ZNF385B: variants seen among roughly 807,000 people sequenced by gnomAD.
ZNF385B encodes the protein zinc finger protein 533.
In ZNF385B, 23 loss-of-function variants were observed where a neutral mutation model predicts 39.2. That is an observed-to-expected ratio of 0.59 (90% CI 0.42 to 0.83). The LOEUF is 0.83. Ranked by LOEUF, ZNF385B falls within the 40% of genes least tolerant of loss-of-function variation. The probability of loss-of-function intolerance (pLI) is 0.00; values close to 1 mark genes in which losing one functional copy is unlikely to be tolerated. For synonymous variants in ZNF385B, 205 were observed against 222.6 expected, an observed-to-expected ratio of 0.92 and a Z score of 0.70; for missense variants, 552 against 598.9, an observed-to-expected ratio of 0.92 and a Z score of 0.82.
At chr2:179,528,857 C>T (rs1028900719) in intron 4 of ZNF385B, among the ~76,000 whole-genome samples, 2 of 152,312 alleles carry the variant, frequency 1.3e-5, no homozygotes, top group Non-Finnish European at 2.9e-5. Context: ...GCTAGCTCTA[C>T]ATGCCTGGTG....
intron 6 of ZNF385B, among the ~76,000 whole-genome samples, chr2:179,467,534 T>C (rs1250826569): frequency 6.6e-6 from 1 of 152,124 alleles, no homozygotes; most frequent in Non-Finnish European, 1.5e-5. Flanking sequence ...TTAAAGCTAG[T>C]TTTTGAAATT....
chr2:179,705,123 T>C (rs192927427), intron 3 of ZNF385B, among the ~76,000 whole-genome samples: 11 of 152,252 alleles, frequency 7.2e-5, no homozygotes, highest in Admixed American at 7.2e-4. Context: ...AACTCCCTAC[T>C]ATCCTCCATC....
At chr2:179,607,604 AGAG>A (rs1024042180) in intron 3 of ZNF385B, among the ~76,000 whole-genome samples, 1 of 152,284 alleles carries the variant, frequency 6.6e-6, no homozygotes, top group Non-Finnish European at 1.5e-5. Context: ...ACCTGGAGAT[AGAG>A]GAGGAGCTAA....
intron 3 of ZNF385B, among the ~76,000 whole-genome samples, chr2:179,756,321 G>A (rs1284880259): frequency 6.6e-6 from 1 of 152,194 alleles, no homozygotes; most frequent in Non-Finnish European, 1.5e-5. Context: ...ACTCTCTTCT[G>A]GCTTGTAGAG....
At chr2:179,489,501 C>A (rs562745829) in intron 5 of ZNF385B, among the ~76,000 whole-genome samples, 1 of 152,258 alleles carries the variant, frequency 6.6e-6, no homozygotes, top group East Asian at 1.9e-4. Flanking sequence ...TATATTGAAG[C>A]TTTAATAATT....
intron 3 of ZNF385B, among the ~76,000 whole-genome samples, chr2:179,602,595 G>T (rs76242979): frequency 6.6e-6 from 1 of 152,186 alleles, no homozygotes; most frequent in Admixed American, 6.5e-5. Flanking sequence ...CTACGCAAGG[G>T]TTTGTTTTTC....
intron 6 of ZNF385B, among the ~76,000 whole-genome samples, chr2:179,463,191 A>G (rs1342572897): frequency 6.6e-6 from 1 of 152,116 alleles, no homozygotes; most frequent in East Asian, 1.9e-4. Flanking sequence ...AGTCCCTACC[A>G]TTGCTCCAAA....
At position 179,443,159 on chromosome 2, in the gene ZNF385B, T is replaced by C; in HGVS notation, c.*91A>G. 1 of 1,328,574 alleles carries C rather than the reference T, an allele frequency of 7.5e-7. No homozygotes were observed. The highest frequency in any genetic ancestry group is 1.1e-6 in the Non-Finnish European group (1 of 936,542). The allele number at this position is 1,328,574 out of a possible 1,614,324, so 82.3% of individuals were successfully genotyped here. A position where few individuals can be genotyped will look rare whatever the true frequency, so the allele number is the denominator to read the frequency against. ...CTGCATTTTGTGGGTGAATGGGGGGTACTGCAACACAAACTGCTTAAATTG... is the reference window on the plus strand; with the variant it reads ...CTGCATTTTGTGGGTGAATGGGGGGCACTGCAACACAAACTGCTTAAATTG... On this transcript the variant is annotated 3_prime_UTR_variant, in exon 10 of 10. Transcript: ENST00000410066.
chr2:179,611,286 C>T (rs1191280719), intron 3 of ZNF385B, among the ~76,000 whole-genome samples: 1 of 152,206 alleles, frequency 6.6e-6, no homozygotes, highest in Non-Finnish European at 1.5e-5. Flanking sequence ...TTTTCAGCAT[C>T]AGTTGACATG....
In ZNF385B at chr2:179,732,451, T is replaced by C. The variant is rs945965074; in HGVS notation, c.298+37052A>G. Among the ~76,000 whole-genome samples, 12 of 152,130 alleles carry C rather than the reference T, an allele frequency of 7.9e-5. No individual in the cohort carries two copies. The East Asian group carries it at 2.1e-3, about 27-fold the overall frequency. ...CTTGAAATGCAAAGAAGAACATATT[T>C]CAAAGAGCAGCAGTCCAGCCAATTT... On this transcript the variant is annotated intron_variant, in intron 3 of 9. Coordinates refer to ENST00000410066, the MANE Select transcript of ZNF385B (RefSeq NM_152520.6).
intron 1 of ZNF385B, among the ~76,000 whole-genome samples, chr2:179,851,524 A>T (rs1427275280): frequency 6.6e-6 from 1 of 152,220 alleles, no homozygotes. Flanking sequence ...CAATCATAAC[A>T]TGACCCTACA....
At chr2:179,486,121 T>C (rs2054542768) in intron 5 of ZNF385B, among the ~76,000 whole-genome samples, 1 of 152,294 alleles carries the variant, frequency 6.6e-6, no homozygotes, top group Non-Finnish European at 1.5e-5. Flanking sequence ...TTGGTAGTTA[T>C]ACATTAAGAA....
At chr2:179,667,543 G>C (rs1695329887) in intron 3 of ZNF385B, among the ~76,000 whole-genome samples, 1 of 152,152 alleles carries the variant, frequency 6.6e-6, no homozygotes, top group African/African-American at 2.4e-5. Flanking sequence ...ACTGGACCAG[G>C]TGTGGGTCAC....
intron 5 of ZNF385B, among the ~76,000 whole-genome samples, chr2:179,498,792 C>G (rs1217383652): frequency 6.6e-6 from 1 of 151,334 alleles, no homozygotes; most frequent in African/African-American, 2.4e-5. Context: ...CAAGAGCAGA[C>G]CAAACCCACA....
At chr2:179,569,475 T>C (rs1170418521) in intron 3 of ZNF385B, among the ~76,000 whole-genome samples, 1 of 152,158 alleles carries the variant, frequency 6.6e-6, no homozygotes, top group Non-Finnish European at 1.5e-5. Flanking sequence ...CTAAATAAAA[T>C]ACCAAATCTC....
At chr2:179,652,105 A>C (rs1693246844) in intron 3 of ZNF385B, among the ~76,000 whole-genome samples, 1 of 152,184 alleles carries the variant, frequency 6.6e-6, no homozygotes, top group Non-Finnish European at 1.5e-5. Context: ...AAAGCATTTT[A>C]AGATATAGAT....
intron 3 of ZNF385B, among the ~76,000 whole-genome samples, chr2:179,675,241 T>G (rs1206047145): frequency 6.6e-6 from 1 of 152,214 alleles, no homozygotes; most frequent in African/African-American, 2.4e-5. Context: ...TTACTATTCA[T>G]TAAGTAGAAG....
chr2:179,751,166 C>A (rs116181878), intron 3 of ZNF385B, among the ~76,000 whole-genome samples: 2,091 of 147,708 alleles, frequency 0.014, 23 homozygotes, highest in Non-Finnish European at 0.023. Context: ...ACCCTCCCCA[C>A]CCCCTGCCAT....
chr2:179,554,113 C>T (rs73976405), intron 3 of ZNF385B, among the ~76,000 whole-genome samples: 23,899 of 148,760 alleles, frequency 0.16, 3,153 homozygotes, highest in Middle Eastern at 0.2. Context: ...ATTTCCTCAA[C>T]CTGTGCCTGA....
Sources: allele counts gnomAD v4.1 joint callset (sites outside exome capture counted in the v4.1 genomes callset), GRCh38; gene constraint gnomAD v4.1.1; transcripts MANE v1.5; gene names NCBI Gene and HGNC (gene_info 2026-07-23, HGNC 2026-07-21).